TMEM116: variants seen among roughly 807,000 people sequenced by gnomAD.
The protein encoded by TMEM116 is transmembrane protein 116.
In TMEM116, 38 loss-of-function variants were observed where a neutral mutation model predicts 44.3. The observed-to-expected ratio is 0.86, with a 90% confidence interval of 0.66 to 1.12. TMEM116 has a LOEUF of 1.12. Among genes scored for constraint, TMEM116 ranks in the 50% most tolerant of loss-of-function variants. TMEM116 has a pLI of 0.00. For missense variants in TMEM116, 354 were observed against 401.7 expected (o/e 0.88, Z 1.01); for synonymous variants, 132 against 144.8 (o/e 0.91, Z 0.64).
chr12:111,998,443 T>C (rs999277687), intron 3 of TMEM116, among the ~76,000 whole-genome samples: 25 of 152,220 alleles, frequency 1.6e-4, no homozygotes, highest in African/African-American at 5.8e-4. Context: ...TATAATCAAC[T>C]TTCACATAAA....
rs1396485543 is a variant in TMEM116 at position 111,943,249 on chromosome 12, C to A, written c.315+16G>T. On this transcript the variant is annotated intron_variant, in intron 5 of 10. Transcript: ENST00000552374. ...TAGCATACTATTATTAACTATCAGC[C>A]CTGAATAAAACTTACCAGTGGAGAT... 1.3e-6 allele frequency: 2 copies of A among 1,590,794 alleles called. No homozygotes were observed. The highest frequency in any genetic ancestry group is 1.7e-6 in the Non-Finnish European group (2 of 1,159,012).
intron 4 of TMEM116, among the ~76,000 whole-genome samples, chr12:111,950,886 TAA>T (rs1254211082): frequency 6.6e-6 from 1 of 151,754 alleles, no homozygotes; most frequent in Admixed American, 6.6e-5. Context: ...ACCAACAGAG[TAA>T]ACAGACAACC....
intron 4 of TMEM116, among the ~76,000 whole-genome samples, chr12:111,960,773 A>G (rs1172149172): frequency 6.6e-6 from 1 of 152,178 alleles, no homozygotes; most frequent in African/African-American, 2.4e-5. Context: ...AGAACTAGAG[A>G]AGCAAGAGCA....
intron 4 of TMEM116, among the ~76,000 whole-genome samples, chr12:111,974,663 AAAAAAG>A: frequency 6.6e-6 from 1 of 151,308 alleles, no homozygotes. Flanking sequence ...GCAAAAAAAA[AAAAAAG>A]AAAAGAAAAG....
intron 5 of TMEM116, among the ~76,000 whole-genome samples, chr12:111,940,435 T>C (rs1293318232): frequency 2.7e-5 from 4 of 147,074 alleles, no homozygotes; most frequent in Non-Finnish European, 4.5e-5. Context: ...TGATCACAGC[T>C]CATTGTGGCC....
intron 4 of TMEM116, among the ~76,000 whole-genome samples, chr12:111,954,237 G>A (rs777290467): frequency 2.3e-4 from 35 of 152,228 alleles, no homozygotes; most frequent in Middle Eastern, 3.4e-3. Flanking sequence ...GGTCACTGAG[G>A]GAGTGAGACT....
At chr12:111,942,640 G>A (rs2072931002) in intron 5 of TMEM116, among the ~76,000 whole-genome samples, 1 of 152,164 alleles carries the variant, frequency 6.6e-6, no homozygotes, top group Admixed American at 6.6e-5. Flanking sequence ...GGTCACAACA[G>A]GAGATAAATA....
rs189151017 is a variant in TMEM116 at position 111,969,007 on chromosome 12, A to G, written c.210+22751T>C. The stretch of plus-strand genomic sequence containing the variant: ...GACTCTATCTCAAAAAAAAAAAAAA[A>G]AAAAAAGAAAAGAAAAGAAAAAAAA... On this transcript the variant is annotated intron_variant, in intron 4 of 10. Transcript: ENST00000552374. Among the ~76,000 whole-genome samples, 1,325 of 150,624 alleles carry G rather than the reference A, an allele frequency of 8.8e-3. 21 individuals carry two copies. The highest frequency in any genetic ancestry group is 0.031 in the African/African-American group (1,264 of 41,116).
intron 4 of TMEM116, among the ~76,000 whole-genome samples, chr12:111,974,964 C>G (rs1234701318): frequency 6.6e-6 from 1 of 152,304 alleles, no homozygotes; most frequent in Non-Finnish European, 1.5e-5. Flanking sequence ...GACCTATATA[C>G]TTGAAAACTA....
chr12:111,943,295 G>A lies in TMEM116; in HGVS notation c.285C>T (p.His95=), dbSNP rs750904147. 4 of 1,613,894 alleles carry A rather than the reference G, an allele frequency of 2.5e-6. No homozygotes were observed. The highest frequency in any genetic ancestry group is 2.2e-5 in the South Asian group (2 of 91,088). Residue 95 remains histidine (H), a synonymous_variant, in exon 5 of 11, where the codon CAC becomes CAT. Transcript: ENST00000552374. ...WYLYTELRMK[H]TQSGQSTSPL... ...GAGATGTGCTCTGTCCACTCTGGGT[G>A]TGTTTCATCCTCAGCTCTGTGTACA...
rs541350622 is a variant in TMEM116 at position 112,003,810 on chromosome 12, T to A, written c.68A>T (p.Lys23Ile). The A allele has an allele frequency of 6.6e-7, 1 of 1,513,478 alleles. No individual in the cohort carries two copies. Among genetic ancestry groups the A allele is most frequent in the South Asian group, 1.3e-5 (1 of 78,558 alleles). 93.8% of individuals were successfully genotyped at this position (1,513,478 alleles called of 1,614,324 possible). A position where few individuals can be genotyped will look rare whatever the true frequency, so the allele number is the denominator to read the frequency against. Residue 23 changes from lysine (K) to isoleucine (I), a missense_variant, in exon 3 of 11, where the codon AAA (lysine) becomes ATA (isoleucine). By Grantham distance (102) the Lys-to-Ile change is moderately radical. Transcript: ENST00000552374. ...IAYAVFHNIQ[K>I]SPEIRPLFYL... is the part of the protein sequence containing the mutation. ...AGAGAAATCACTCACCTCTGGAGAT[T>A]TCTGTATATTATGGAATACAGCATA...
intron 5 of TMEM116, among the ~76,000 whole-genome samples, chr12:111,940,565 G>GTATATATATATATATATATA (rs1182152145): frequency 1.5e-3 from 196 of 127,836 alleles, no homozygotes; most frequent in African/African-American, 5.8e-3. Context: ...ATATATATGT[G>GTATATATATATATATATATA]TGTATATATA....
At position 111,932,669 on chromosome 12, in the gene TMEM116, C is replaced by T. The variant is rs768043591; in HGVS notation, c.734-10G>A. The T allele has an allele frequency of 6.2e-7, 1 of 1,612,952 alleles. No homozygotes were observed. The highest frequency in any genetic ancestry group is 1.3e-5 in the African/African-American group (1 of 74,892). ...ATCATTAGAATGACAGCTGTGAATA[C>T]ACAAAGTGTAAACCTTCTTGTCAGC... On this transcript the variant is annotated splice_polypyrimidine_tract_variant and intron_variant, in intron 9 of 10. Transcript: ENST00000552374.
At chr12:112,001,991 C>T (rs1484944412) in intron 3 of TMEM116, among the ~76,000 whole-genome samples, 1 of 152,200 alleles carries the variant, frequency 6.6e-6, no homozygotes, top group Non-Finnish European at 1.5e-5. Flanking sequence ...AGTCCCCTAA[C>T]CTTACCAGGA....
chr12:111,955,040 T>C (rs1039147070), intron 4 of TMEM116, among the ~76,000 whole-genome samples: 1 of 152,174 alleles, frequency 6.6e-6, no homozygotes, highest in Non-Finnish European at 1.5e-5. Flanking sequence ...TGCCTGAAAG[T>C]TTAGGTTAGA....
intron 4 of TMEM116, among the ~76,000 whole-genome samples, chr12:111,978,266 T>A (rs916715504): frequency 6.6e-6 from 1 of 152,040 alleles, no homozygotes; most frequent in Admixed American, 6.5e-5. Context: ...CCAGGCATGG[T>A]GGTGCATGCC....
chr12:111,939,032 T>C (rs1364082658), intron 5 of TMEM116, among the ~76,000 whole-genome samples: 1 of 152,104 alleles, frequency 6.6e-6, no homozygotes, highest in Non-Finnish European at 1.5e-5. Context: ...TTTAGGAAAA[T>C]AAATAAAATT....
At chr12:111,954,453 A>G (rs1355957322) in intron 4 of TMEM116, among the ~76,000 whole-genome samples, 1 of 152,236 alleles carries the variant, frequency 6.6e-6, no homozygotes, top group Non-Finnish European at 1.5e-5. Flanking sequence ...AAAAATAAAC[A>G]GAACAATAAT....
At chr12:111,932,480 G>A (rs1593249641) in intron 10 of TMEM116, 106 bp downstream of exon 10, 1 of 911,150 alleles carries the variant, frequency 1.1e-6, no homozygotes, top group East Asian at 2.5e-5. Flanking sequence ...CTTTTGCAAT[G>A]TAGAAGTACC....
Sources: gnomAD v4.1 joint callset for allele counts (sites outside exome capture counted in the v4.1 genomes callset) on GRCh38, gnomAD v4.1.1 for gene constraint, MANE v1.5 for transcripts, NCBI Gene and HGNC (gene_info 2026-07-23, HGNC 2026-07-21) for gene names.